Variants in RELN observed in about 807,000 individuals in gnomAD.
RELN encodes reelin.
Under a neutral mutation model 427.6 loss-of-function variants are expected in RELN, and 108 were observed. That is an observed-to-expected ratio of 0.25 (90% CI 0.22 to 0.30). The LOEUF (loss-of-function observed/expected upper bound fraction) is 0.30. Among genes scored for constraint, RELN ranks in the 10% least tolerant of loss-of-function variants. RELN has a pLI of 1.00. For synonymous variants in RELN, 1,524 were observed against 1,513.4 expected, an observed-to-expected ratio of 1.01 and a Z score of -0.16; for missense variants, 3,715 against 4,302.8, an observed-to-expected ratio of 0.86 and a Z score of 3.82.
At chr7:103,809,442 C>G (rs1792680862) in intron 3 of RELN, among the ~76,000 whole-genome samples, 1 of 149,560 alleles carries the variant, frequency 6.7e-6, no homozygotes, top group East Asian at 2.1e-4. Flanking sequence ...TGCTACAGGC[C>G]TCGCGAGCAG....
At chr7:103,562,125 TC>T (rs1830657763) in intron 34 of RELN, among the ~76,000 whole-genome samples, 172 bp from the exon 35 acceptor site, 1 of 152,238 alleles carries the variant, frequency 6.6e-6, no homozygotes, top group Non-Finnish European at 1.5e-5. Context: ...AATGCTGTTT[TC>T]TCTTGACTCA....
chr7:103,699,460 G>C (rs571793506), intron 9 of RELN, among the ~76,000 whole-genome samples: 1 of 152,222 alleles, frequency 6.6e-6, no homozygotes, highest in African/African-American at 2.4e-5. Flanking sequence ...ACTGGTAAGG[G>C]AAATTTGCAT....
At chr7:103,799,976 C>T (rs1362672835) in intron 3 of RELN, among the ~76,000 whole-genome samples, 4 of 150,780 alleles carry the variant, frequency 2.7e-5, no homozygotes, top group South Asian at 2.1e-4. Context: ...AAGGTACTGA[C>T]GGAACATATC....
At chr7:103,536,866 G>T (rs2237626) in intron 45 of RELN, among the ~76,000 whole-genome samples, 101,570 of 152,058 alleles carry the variant, frequency 0.67, 34,285 homozygotes, top group Middle Eastern at 0.75. Context: ...TTGTGTCTAC[G>T]GAGCCTGGCA....
chr7:103,989,393 C>G lies in RELN; in HGVS notation c.-37G>C. The G allele has an allele frequency of 7.5e-7, 1 of 1,325,508 alleles. No homozygotes were observed. Among genetic ancestry groups the G allele is most frequent in the Non-Finnish European group, 9.7e-7 (1 of 1,031,604 alleles). The allele number at this position is 1,325,508 out of a possible 1,614,324, so 82.1% of individuals were successfully genotyped here. A position where few individuals can be genotyped will look rare whatever the true frequency, so the allele number is the denominator to read the frequency against. On this transcript the variant is annotated 5_prime_UTR_variant, in exon 1 of 65. Transcript: ENST00000428762. This position sits in a 1 kb window ranked among gnomAD's most constrained non-coding sequence, Gnocchi z 4.9. The stretch of plus-strand genomic sequence containing the variant: ...CGCCGCCGCCGCCGCGCGCCCTACG[C>G]GCCGCTCGCTCATTCAGTTTTGGAG...
intron 38 of RELN, 152 bp downstream of exon 38, chr7:103,556,825 C>A: frequency 1.3e-6 from 1 of 752,354 alleles, no homozygotes; most frequent in Non-Finnish European, 2.4e-6. Context: ...CGAAAACGGA[C>A]TAATACATTT....
At chr7:103,696,709 A>G (rs1833983289) in intron 10 of RELN, among the ~76,000 whole-genome samples, 2 of 152,090 alleles carry the variant, frequency 1.3e-5, no homozygotes, top group South Asian at 2.1e-4. Flanking sequence ...ATTCTGGCCA[A>G]TATGATCTCC....
intron 2 of RELN, among the ~76,000 whole-genome samples, chr7:103,865,653 G>A (rs769832681): frequency 5.3e-5 from 8 of 152,100 alleles, no homozygotes; most frequent in Non-Finnish European, 8.8e-5. Flanking sequence ...TGAAAATCAC[G>A]TGATCATCAC....
chr7:103,727,582 G>C (rs991165940), intron 7 of RELN, among the ~76,000 whole-genome samples: 3 of 152,144 alleles, frequency 2.0e-5, no homozygotes, highest in Non-Finnish European at 4.4e-5. Context: ...CTGAAGTAAA[G>C]GAAAATAATC....
intron 21 of RELN, among the ~76,000 whole-genome samples, chr7:103,611,326 G>C (rs1831949396): frequency 6.6e-6 from 1 of 152,010 alleles, no homozygotes; most frequent in Non-Finnish European, 1.5e-5. Context: ...AAAGAAAGAG[G>C]GATAGAGAAA....
chr7:103,943,848 CAAAAAAAAA>C (rs10631941), intron 1 of RELN, among the ~76,000 whole-genome samples: 2 of 76,438 alleles, frequency 2.6e-5, no homozygotes, highest in African/African-American at 1.2e-4. Context: ...ATTCTGTCTC[CAAAAAAAAA>C]AAAAAAAAAA....
intron 2 of RELN, among the ~76,000 whole-genome samples, chr7:103,849,395 T>C (rs1229854482): frequency 6.6e-6 from 1 of 152,204 alleles, no homozygotes; most frequent in Non-Finnish European, 1.5e-5. Context: ...TTTTGACCAC[T>C]GCCAACAGCT....
chr7:103,966,490 AT>A (rs751185442), intron 1 of RELN, among the ~76,000 whole-genome samples: 4 of 152,060 alleles, frequency 2.6e-5, no homozygotes, highest in African/African-American at 4.8e-5. Flanking sequence ...TACAGAATTG[AT>A]TTTTTTTCTC....
chr7:103,975,055 T>C (rs1796842889), intron 1 of RELN, among the ~76,000 whole-genome samples: 1 of 152,244 alleles, frequency 6.6e-6, no homozygotes, highest in South Asian at 2.1e-4. Context: ...CATGAGAATT[T>C]TGTAAGTTTG....
intron 2 of RELN, among the ~76,000 whole-genome samples, chr7:103,843,844 T>C (rs1258582148): frequency 6.6e-6 from 1 of 152,202 alleles, no homozygotes; most frequent in Admixed American, 6.5e-5. Flanking sequence ...CTGTCTGTAA[T>C]GGAAGCTCTC....
At chr7:103,681,635 T>C (rs1345517966) in intron 11 of RELN, among the ~76,000 whole-genome samples, 1 of 152,118 alleles carries the variant, frequency 6.6e-6, no homozygotes, top group African/African-American at 2.4e-5. Flanking sequence ...GTCTCCTCTA[T>C]TTCAACCTCA....
At chr7:103,700,590 G>A (rs1834068904) in intron 9 of RELN, among the ~76,000 whole-genome samples, 3 of 152,080 alleles carry the variant, frequency 2.0e-5, no homozygotes, top group South Asian at 4.1e-4. Context: ...CCAGAGTCAG[G>A]CCACCTAGAG....
intron 2 of RELN, among the ~76,000 whole-genome samples, chr7:103,835,382 T>C (rs894200244): frequency 1.3e-5 from 2 of 152,184 alleles, no homozygotes; most frequent in East Asian, 1.9e-4. Context: ...TGTGTCCTTA[T>C]AAATGTATCC....
At chr7:103,844,975 C>T (rs1465829976) in intron 2 of RELN, among the ~76,000 whole-genome samples, 1 of 152,082 alleles carries the variant, frequency 6.6e-6, no homozygotes, top group Non-Finnish European at 1.5e-5. Flanking sequence ...AATGATAACC[C>T]TTGTCTAACT....
Sources: allele counts gnomAD v4.1 joint callset (sites outside exome capture counted in the v4.1 genomes callset), GRCh38; gene constraint gnomAD v4.1.1; non-coding constraint Gnocchi (gnomAD v3.1); transcripts MANE v1.5; gene names NCBI Gene and HGNC (gene_info 2026-07-23, HGNC 2026-07-21).